Variants in ELOVL3 observed in about 807,000 individuals in gnomAD.
The protein encoded by ELOVL3 is very long chain fatty acid elongase 3.
A neutral mutation model predicts 14.9 loss-of-function variants in ELOVL3; 11 were observed. The observed-to-expected ratio is 0.74, with a 90% CI of 0.46 to 1.22. The LOEUF is 1.22. ELOVL3 is among the 50% of genes most tolerant of loss of function. The probability of loss-of-function intolerance (pLI) is 0.00; values close to 1 mark genes in which losing one functional copy is unlikely to be tolerated. For missense variants in ELOVL3, 277 were observed against 338.9 expected (o/e 0.82, Z 1.43); for synonymous variants, 117 against 124.7 (o/e 0.94, Z 0.41).
Position 102,228,898 on chromosome 10 carries a change from C to G in ELOVL3, c.459C>G (p.Leu153=). The change falls in exon 4 of 4, where the codon CTC becomes CTG. Residue 153 remains leucine (L), a synonymous_variant. Coordinates refer to ENST00000370005, the MANE Select transcript of ELOVL3 (RefSeq NM_152310.3). ...ACTGGTACCACCACAGCACAGTGCT[C>G]GTGTACACAAGCTTTGGATACAAGA... ...FIHWYHHSTV[L]VYTSFGYKNK... 6.2e-7 allele frequency: 1 copy of G among 1,614,138 alleles called. No homozygotes were observed. The highest frequency in any genetic ancestry group is 8.5e-7 in the Non-Finnish European group (1 of 1,180,006).
In ELOVL3 at chr10:102,226,417, C is replaced by A; in HGVS notation, c.-132C>A. On this transcript the variant is annotated 5_prime_UTR_variant, in exon 1 of 4. Transcript: ENST00000370005. Reference sequence around the variant, plus strand: ...CGCGCACATGCCTAGGTTCGACGCCCTCCTCCCTTTGCCCAGGAGTTCCTT... The same window carrying A: ...CGCGCACATGCCTAGGTTCGACGCCATCCTCCCTTTGCCCAGGAGTTCCTT... The A allele has an allele frequency of 1.6e-6, 1 of 628,820 alleles. No individual in the cohort carries two copies. The highest frequency in any genetic ancestry group is 1.9e-5 in the African/African-American group (1 of 53,424). 39.0% of individuals were successfully genotyped at this position (628,820 alleles called of 1,614,324 possible). A position where few individuals can be genotyped will look rare whatever the true frequency, so the allele number is the denominator to read the frequency against.
Position 102,227,617 on chromosome 10 carries a change from G to C in ELOVL3, c.102-9G>C. On this transcript the variant is annotated splice_polypyrimidine_tract_variant and intron_variant, in intron 1 of 3. Transcript: ENST00000370005. Reference sequence around the variant, plus strand: ...CCATGAGCCCATCCCTCTGCCTTCTGCTTGCCAGGGCAACCTCATTCCCCA... The same window carrying C: ...CCATGAGCCCATCCCTCTGCCTTCTCCTTGCCAGGGCAACCTCATTCCCCA... 1.2e-6 allele frequency: 2 copies of C among 1,610,684 alleles called. No individual in the cohort carries two copies. Among genetic ancestry groups the C allele is most frequent in the South Asian group, 1.1e-5 (1 of 90,760 alleles).
In ELOVL3 at chr10:102,226,659, T is replaced by C. The variant is rs1376173066; in HGVS notation, c.101+10T>C. The C allele has an allele frequency of 6.2e-7, 1 of 1,609,180 alleles. No homozygotes were observed. The highest frequency in any genetic ancestry group is 8.5e-7 in the Non-Finnish European group (1 of 1,175,924). On this transcript the variant is annotated intron_variant, in intron 1 of 3. Coordinates refer to ENST00000370005, the MANE Select transcript of ELOVL3 (RefSeq NM_152310.3). The stretch of plus-strand genomic sequence containing the variant: ...TTTTCGAGGAGTATTGGTGAGACTT[T>C]GGGAGAGGGAAAGGCCATGCCAGGG...
At position 102,226,479 on chromosome 10, in the gene ELOVL3, C is replaced by T; in HGVS notation, c.-70C>T. 8.9e-7 allele frequency: 1 copy of T among 1,129,092 alleles called. No individual in the cohort carries two copies. Among genetic ancestry groups the T allele is most frequent in the Non-Finnish European group, 1.3e-6 (1 of 747,072 alleles). 69.9% of individuals were successfully genotyped at this position (1,129,092 alleles called of 1,614,324 possible). A position where few individuals can be genotyped will look rare whatever the true frequency, so the allele number is the denominator to read the frequency against. On this transcript the variant is annotated 5_prime_UTR_variant, in exon 1 of 4. The change creates a new upstream start codon in the 5' untranslated region. Coordinates refer to ENST00000370005, the MANE Select transcript of ELOVL3 (RefSeq NM_152310.3). Reference sequence around the variant, plus strand: ...CTGTTCCGTCTCGCCCCGAGGTTCACGCCATCCTCGGAGCCCCAGCCTTTC... The same window carrying T: ...CTGTTCCGTCTCGCCCCGAGGTTCATGCCATCCTCGGAGCCCCAGCCTTTC...
rs2070135841 is a variant in ELOVL3, at chr10:102,226,375, AT to A, written c.-173del. On this transcript the variant is annotated 5_prime_UTR_variant, in exon 1 of 4. Coordinates refer to ENST00000370005, the MANE Select transcript of ELOVL3 (RefSeq NM_152310.3). ...ATATATCGCAGTGGCTGCGCCCGGG[AT>A]AGCTGGCTGCGCCGCCGCGCACATG... The A allele has an allele frequency of 7.0e-6, 4 of 573,606 alleles. No individual in the cohort carries two copies. The East Asian group carries it at 1.2e-4, about 17-fold the overall frequency. The allele number at this position is 573,606 out of a possible 1,614,324, so 35.5% of individuals were successfully genotyped here.
At chr10:102,228,209 C>T (rs921218614) in intron 2 of ELOVL3, among the ~76,000 whole-genome samples, 1 of 152,178 alleles carries the variant, frequency 6.6e-6, no homozygotes, top group Admixed American at 6.5e-5. Context: ...CCTGCATTCC[C>T]TGATCTTTCT....
chr10:102,229,406 A>G lies in ELOVL3; in HGVS notation c.*154A>G, dbSNP rs576907371. On this transcript the variant is annotated 3_prime_UTR_variant, in exon 4 of 4. Transcript: ENST00000370005. ...GTGGCTGGAATTTTTGACAGACAAGAAGGGTGACCTTGGGATGGGGGTGTG... is the reference window on the plus strand; with the variant it reads ...GTGGCTGGAATTTTTGACAGACAAGGAGGGTGACCTTGGGATGGGGGTGTG... The G allele has an allele frequency of 7.2e-6, 5 of 694,746 alleles. No individual in the cohort carries two copies. The South Asian group carries it at 7.8e-5, about 11-fold the overall frequency. 43.0% of individuals were successfully genotyped at this position (694,746 alleles called of 1,614,324 possible).
chr10:102,229,262 G>T lies in ELOVL3; in HGVS notation c.*10G>T. On this transcript the variant is annotated 3_prime_UTR_variant, in exon 4 of 4. Transcript: ENST00000370005. ...GACCAAGAGCCAGTGAAGGTTTGGA[G>T]AGAACAATGAAGCTCCAGGCTCTCT... The T allele has an allele frequency of 6.3e-7, 1 of 1,593,330 alleles. No homozygotes were observed.
Position 102,229,403 on chromosome 10 carries a change from A to G in ELOVL3, c.*151A>G. On this transcript the variant is annotated 3_prime_UTR_variant, in exon 4 of 4. Transcript: ENST00000370005. ...AAGGTGGCTGGAATTTTTGACAGAC[A>G]AGAAGGGTGACCTTGGGATGGGGGT... 1 of 709,896 alleles carries G rather than the reference A, an allele frequency of 1.4e-6. No individual in the cohort carries two copies. Among genetic ancestry groups the G allele is most frequent in the Non-Finnish European group, 2.3e-6 (1 of 437,912 alleles). The allele number at this position is 709,896 out of a possible 1,614,324, so 44.0% of individuals were successfully genotyped here.
chr10:102,228,765 C>T, intron 3 of ELOVL3, 60 bp from the exon 4 acceptor site: 1 of 1,521,694 alleles, frequency 6.6e-7, no homozygotes, highest in African/African-American at 1.4e-5. Context: ...TCCCTACATC[C>T]AGTGCAGAGG....
chr10:102,225,539 T>TA (rs1331340728), upstream of ELOVL3, among the ~76,000 whole-genome samples: 2 of 152,182 alleles, frequency 1.3e-5, no homozygotes, highest in Non-Finnish European at 2.9e-5. Flanking sequence ...TTAGAACATT[T>TA]ATTTCTTTGG....
At chr10:102,228,689 C>G in intron 3 of ELOVL3, 121 bp downstream of exon 3, 1 of 1,427,792 alleles carries the variant, frequency 7.0e-7, no homozygotes. Flanking sequence ...ATACCTCTCA[C>G]CCAAGCCCCT....
Position 102,229,295 on chromosome 10 carries a change from A to G in ELOVL3, c.*43A>G. ...TGAAGCTCCAGGCTCTCTCTTCTCCAGGGCACCAAGAGGCTGGGCTTAGTT... is the reference window on the plus strand; with the variant it reads ...TGAAGCTCCAGGCTCTCTCTTCTCCGGGGCACCAAGAGGCTGGGCTTAGTT... On this transcript the variant is annotated 3_prime_UTR_variant, in exon 4 of 4. Transcript: ENST00000370005. The G allele has an allele frequency of 6.5e-7, 1 of 1,544,560 alleles. No individual in the cohort carries two copies. Among genetic ancestry groups the G allele is most frequent in the Non-Finnish European group, 8.8e-7 (1 of 1,140,812 alleles).
upstream of ELOVL3, chr10:102,226,244 C>A: frequency 3.4e-6 from 1 of 292,848 alleles, no homozygotes. Flanking sequence ...ATGCGGACTG[C>A]GTCCCAGGGG....
At chr10:102,227,540 C>A in intron 1 of ELOVL3, 86 bp from the exon 2 acceptor site, 1 of 1,468,612 alleles carries the variant, frequency 6.8e-7, no homozygotes, top group Non-Finnish European at 9.2e-7. Flanking sequence ...GGACTCCAAC[C>A]CAGAGCACTC....
At chr10:102,225,252 G>A (rs1161125474), upstream of ELOVL3, among the ~76,000 whole-genome samples, 1 of 152,180 alleles carries the variant, frequency 6.6e-6, no homozygotes, top group Admixed American at 6.5e-5. Flanking sequence ...CACTTAGATG[G>A]CACTGATAGG....
rs1454227993 is a variant in ELOVL3 at position 102,229,519 on chromosome 10, ATTAT to A, written c.*271_*274del. On this transcript the variant is annotated 3_prime_UTR_variant, in exon 4 of 4. Coordinates refer to ENST00000370005, the MANE Select transcript of ELOVL3 (RefSeq NM_152310.3). ...GGGCGGAGGAGGGTCCTAAGAGCTG[ATTAT>A]TTAATTTCTATCCAGAAATCTTTCT... is the stretch of plus-strand genomic sequence containing the variant. 3.0e-6 allele frequency: 1 copy of A among 336,826 alleles called. No homozygotes were observed. The highest frequency in any genetic ancestry group is 4.4e-5 in the Admixed American group (1 of 22,942). The allele number at this position is 336,826 out of a possible 1,614,324, so 20.9% of individuals were successfully genotyped here. A position where few individuals can be genotyped will look rare whatever the true frequency, so the allele number is the denominator to read the frequency against.
upstream of ELOVL3, among the ~76,000 whole-genome samples, chr10:102,224,936 T>C (rs1483048721): frequency 6.6e-6 from 1 of 152,128 alleles, no homozygotes; most frequent in Non-Finnish European, 1.5e-5. Flanking sequence ...GTGCTGGGAT[T>C]ACAGGCGTGA....
upstream of ELOVL3, among the ~76,000 whole-genome samples, chr10:102,224,812 G>A (rs1409111477): frequency 2.6e-5 from 4 of 151,972 alleles, no homozygotes; most frequent in Non-Finnish European, 5.9e-5. Context: ...ACAGGCGCCT[G>A]CCACCACGCC....
Sources: allele counts gnomAD v4.1 joint callset (sites outside exome capture counted in the v4.1 genomes callset), GRCh38; gene constraint gnomAD v4.1.1; transcripts MANE v1.5; gene names NCBI Gene and HGNC (gene_info 2026-07-23, HGNC 2026-07-21).